Variants in CENPW observed in about 807,000 individuals in gnomAD.
CENPW encodes centromere protein W.
A neutral mutation model predicts 11.1 loss-of-function variants in CENPW; 3 were observed. The ratio of observed to expected loss-of-function variants is 0.27; its 90% confidence interval spans 0.12 to 0.70. CENPW has a LOEUF of 0.70. Among genes scored for constraint, CENPW ranks in the 30% least tolerant of loss-of-function variants. CENPW has a pLI of 0.77. For synonymous variants in CENPW, 38 were observed against 42.0 expected, an observed-to-expected ratio of 0.91 and a Z score of 0.37; for missense variants, 100 against 105.6, an observed-to-expected ratio of 0.95 and a Z score of 0.23.
chr6:126,366,326 AGAG>A, the CENPW span, among the ~76,000 whole-genome samples: 20 of 152,304 alleles, frequency 1.3e-4, no homozygotes, highest in African/African-American at 4.3e-4. Flanking sequence ...TTAGTGAAAT[AGAG>A]GCAGTTTTCA....
At chr6:126,444,055 T>C in the CENPW span, among the ~76,000 whole-genome samples, 19 of 147,618 alleles carry the variant, frequency 1.3e-4, no homozygotes, top group Admixed American at 1.1e-3. Flanking sequence ...AATCAGGTCT[T>C]TTTTTTTTTT....
At chr6:126,391,179 AT>A in the CENPW span, among the ~76,000 whole-genome samples, 2 of 151,896 alleles carry the variant, frequency 1.3e-5, no homozygotes, top group Non-Finnish European at 2.9e-5. Flanking sequence ...TTGACATGAG[AT>A]TATATCCCTT....
chr6:126,363,628 T>C, the CENPW span, among the ~76,000 whole-genome samples: 2 of 152,236 alleles, frequency 1.3e-5, no homozygotes, highest in Non-Finnish European at 2.9e-5. Context: ...TATTTTCTCA[T>C]GTTTCTGGTA....
chr6:126,441,933 T>C, the CENPW span, among the ~76,000 whole-genome samples: 1 of 151,634 alleles, frequency 6.6e-6, no homozygotes, highest in Non-Finnish European at 1.5e-5. Flanking sequence ...AGTATCTTTT[T>C]CATATAATGA....
At chr6:126,452,780 T>G in the CENPW span, among the ~76,000 whole-genome samples, 2 of 151,036 alleles carry the variant, frequency 1.3e-5, no homozygotes, top group Non-Finnish European at 3.0e-5. Context: ...GACTTAAATT[T>G]AGGCAACCTC....
chr6:126,455,102 C>T, the CENPW span, among the ~76,000 whole-genome samples: 3 of 151,176 alleles, frequency 2.0e-5, no homozygotes, highest in Admixed American at 2.0e-4. Flanking sequence ...AGAAAAACCC[C>T]AGGACCAAAT....
the CENPW span, among the ~76,000 whole-genome samples, chr6:126,461,663 T>A: frequency 1.3e-5 from 2 of 151,952 alleles, no homozygotes; most frequent in African/African-American, 4.8e-5. Flanking sequence ...AGTGTCTGTA[T>A]TCTAGTCACT....
chr6:126,479,974 T>G, the CENPW span, among the ~76,000 whole-genome samples: 2 of 151,928 alleles, frequency 1.3e-5, no homozygotes, highest in African/African-American at 2.4e-5. Context: ...GTCTTAAAAA[T>G]AAGTACTCTT....
the CENPW span, among the ~76,000 whole-genome samples, chr6:126,446,962 C>T: frequency 2.0e-5 from 3 of 151,232 alleles, no homozygotes; most frequent in South Asian, 6.2e-4. Context: ...AAGTTTGATA[C>T]AGATCTTATG....
the CENPW span, among the ~76,000 whole-genome samples, chr6:126,468,867 G>T: frequency 5.5e-4 from 83 of 152,212 alleles, no homozygotes; most frequent in African/African-American, 1.8e-3. Context: ...GCAGTGGTGT[G>T]ATCTTGGCTC....
the CENPW span, among the ~76,000 whole-genome samples, chr6:126,359,344 T>C: frequency 6.6e-6 from 1 of 152,004 alleles, no homozygotes; most frequent in African/African-American, 2.4e-5. Flanking sequence ...TATGACAGCG[T>C]GTGGCCGATC....
At chr6:126,365,405 AC>A in the CENPW span, among the ~76,000 whole-genome samples, 1 of 152,200 alleles carries the variant, frequency 6.6e-6, no homozygotes, top group African/African-American at 2.4e-5. Context: ...CAGGAAACTT[AC>A]AATCATGGCG....
the CENPW span, among the ~76,000 whole-genome samples, chr6:126,469,958 A>AT: frequency 6.6e-6 from 1 of 152,188 alleles, no homozygotes; most frequent in Admixed American, 6.5e-5. Context: ...TGGAACTTAT[A>AT]TTTCAAAAGG....
At chr6:126,384,307 A>G in the CENPW span, among the ~76,000 whole-genome samples, 2 of 152,046 alleles carry the variant, frequency 1.3e-5, no homozygotes, top group Non-Finnish European at 2.9e-5. Context: ...ACCAAAAAAG[A>G]GTCTAATAGC....
the CENPW span, among the ~76,000 whole-genome samples, chr6:126,399,030 T>C: frequency 1.3e-5 from 2 of 152,122 alleles, no homozygotes; most frequent in African/African-American, 4.8e-5. Flanking sequence ...TGTGTATTTG[T>C]ACCATATTTT....
At chr6:126,431,416 G>A in the CENPW span, among the ~76,000 whole-genome samples, 1 of 152,184 alleles carries the variant, frequency 6.6e-6, no homozygotes, top group South Asian at 2.1e-4. Flanking sequence ...TAAACACAAT[G>A]TATGAGATTT....
chr6:126,382,721 G>A, the CENPW span, among the ~76,000 whole-genome samples: 1 of 152,034 alleles, frequency 6.6e-6, no homozygotes, highest in Non-Finnish European at 1.5e-5. Context: ...TCTGAAATAA[G>A]ATAGTTAACA....
At chr6:126,381,682 C>T in the CENPW span, among the ~76,000 whole-genome samples, 4 of 152,182 alleles carry the variant, frequency 2.6e-5, no homozygotes, top group African/African-American at 7.2e-5. Flanking sequence ...GCTGCTGACA[C>T]GTGAATAAAT....
the CENPW span, among the ~76,000 whole-genome samples, chr6:126,449,297 G>T: frequency 2.6e-5 from 4 of 150,944 alleles, no homozygotes; most frequent in Non-Finnish European, 4.5e-5. Context: ...AATTACTTGT[G>T]CATGTATCTA....
Sources: allele counts gnomAD v4.1 joint callset (sites outside exome capture counted in the v4.1 genomes callset), GRCh38; gene constraint gnomAD v4.1.1; transcripts MANE v1.5; gene names NCBI Gene and HGNC (gene_info 2026-07-23, HGNC 2026-07-21).